SNX29: variants seen among roughly 807,000 people sequenced by gnomAD.
SNX29 encodes the protein sorting nexin 29.
A neutral mutation model predicts 102.1 loss-of-function variants in SNX29; 78 were observed. The ratio of observed to expected loss-of-function variants is 0.76; its 90% CI spans 0.64 to 0.92. The LOEUF (loss-of-function observed/expected upper bound fraction) is 0.92. Ranked by LOEUF, SNX29 falls within the 40% of genes least tolerant of loss-of-function variation. The probability of loss-of-function intolerance (pLI) is 0.00; values close to 1 mark genes in which losing one functional copy is unlikely to be tolerated. For missense variants in SNX29, 1,280 were observed against 1,061.7 expected (o/e 1.21, Z -2.86); for synonymous variants, 580 against 414.5 (o/e 1.40, Z -4.85).
intron 15 of SNX29, among the ~76,000 whole-genome samples, chr16:12,353,021 C>T (rs574845405): frequency 1.3e-5 from 2 of 152,082 alleles, no homozygotes; most frequent in Admixed American, 1.3e-4. Context: ...CTGGCATGTC[C>T]CAAGGCTCAT....
chr16:12,519,277 C>G (rs1434049638), intron 19 of SNX29, among the ~76,000 whole-genome samples: 1 of 152,150 alleles, frequency 6.6e-6, no homozygotes, highest in Admixed American at 6.5e-5. Context: ...GCACCATGTC[C>G]CCCAAAAGGT....
intron 16 of SNX29, among the ~76,000 whole-genome samples, chr16:12,380,307 A>C (rs1216826630): frequency 1.4e-5 from 2 of 144,606 alleles, no homozygotes; most frequent in Non-Finnish European, 3.0e-5. Flanking sequence ...ACACCCAACC[A>C]CCCACCTATC....
intron 4 of SNX29, among the ~76,000 whole-genome samples, chr16:12,030,434 G>T (rs1387969224): frequency 1.3e-5 from 2 of 152,070 alleles, no homozygotes; most frequent in Non-Finnish European, 2.9e-5. Flanking sequence ...TTTTACCCAG[G>T]TCCCCTGGAC....
chr16:12,078,459 A>T (rs1326747680), intron 10 of SNX29, among the ~76,000 whole-genome samples: 2 of 152,180 alleles, frequency 1.3e-5, no homozygotes, highest in African/African-American at 4.8e-5. Flanking sequence ...GGAAAAAAAA[A>T]TGCTAAAAAC....
intron 14 of SNX29, 58 bp from the exon 15 acceptor site, chr16:12,277,875 G>T: frequency 6.8e-7 from 1 of 1,462,058 alleles, no homozygotes. Context: ...TTTTTTTACT[G>T]GGAGAATAAT....
intron 16 of SNX29, among the ~76,000 whole-genome samples, chr16:12,372,247 G>A (rs998625350): frequency 6.6e-6 from 1 of 152,094 alleles, no homozygotes; most frequent in East Asian, 1.9e-4. Flanking sequence ...AATATATGTC[G>A]ACTTCCTCCT....
intron 13 of SNX29, among the ~76,000 whole-genome samples, chr16:12,186,047 C>T (rs564315423): frequency 1.3e-5 from 2 of 152,236 alleles, no homozygotes; most frequent in African/African-American, 4.8e-5. Context: ...TTGTTATTCC[C>T]AGATACTGTT....
Position 12,087,945 on chromosome 16 carries a change from A to G in SNX29, c.1402+9030A>G, listed in dbSNP as rs1475389991. Reference sequence around the variant, plus strand: ...CGCCTCTGCAATACGCTTTTGAAGGAGGACCTGTTGGGCAGTGGGTCCTCA... The same window carrying G: ...CGCCTCTGCAATACGCTTTTGAAGGGGGACCTGTTGGGCAGTGGGTCCTCA... On this transcript the variant is annotated intron_variant, in intron 11 of 20. Transcript: ENST00000566228. The G allele has an allele frequency of 6.6e-6, 3 of 456,764 alleles. No individual in the cohort carries two copies. The Admixed American group carries it at 7.0e-5, about 11-fold the overall frequency. The allele number at this position is 456,764 out of a possible 1,614,324, so 28.3% of individuals were successfully genotyped here. A position where few individuals can be genotyped will look rare whatever the true frequency, so the allele number is the denominator to read the frequency against.
chr16:12,183,387 T>C (rs2076437331), intron 13 of SNX29, among the ~76,000 whole-genome samples: 1 of 152,222 alleles, frequency 6.6e-6, no homozygotes, highest in Non-Finnish European at 1.5e-5. Flanking sequence ...AACTTGGATG[T>C]ACCTACCGTC....
At position 11,996,127 on chromosome 16, in the gene SNX29, G is replaced by C. The variant is rs2056063824; in HGVS notation, c.8-3170G>C. ...GAACCAGAACCTCCCTTTTGGGCTG[G>C]GTGTGGTGGCTCACACCTATTATCC... On this transcript the variant is annotated intron_variant, in intron 1 of 20. Coordinates refer to ENST00000566228, the MANE Select transcript of SNX29 (RefSeq NM_032167.5). 1.3e-5 allele frequency among the ~76,000 whole-genome samples: 2 copies of C among 152,096 alleles called. 1 individual carries two copies. The highest frequency in any genetic ancestry group is 4.8e-5 in the African/African-American group (2 of 41,430).
intron 15 of SNX29, among the ~76,000 whole-genome samples, chr16:12,282,416 C>T (rs2079464129): frequency 1.3e-5 from 2 of 152,188 alleles, no homozygotes; most frequent in Admixed American, 1.3e-4. Flanking sequence ...GCTTCCAAAG[C>T]AACTTGTAGC....
intron 19 of SNX29, among the ~76,000 whole-genome samples, chr16:12,493,213 A>G (rs946182781): frequency 6.6e-6 from 1 of 152,108 alleles, no homozygotes; most frequent in Non-Finnish European, 1.5e-5. Flanking sequence ...TATTTCCTTG[A>G]GCAGTGGTTT....
intron 18 of SNX29, among the ~76,000 whole-genome samples, chr16:12,417,503 T>C (rs905604924): frequency 1.3e-5 from 2 of 152,154 alleles, no homozygotes; most frequent in Non-Finnish European, 2.9e-5. Context: ...TTCCTTCTCT[T>C]TGCTCCCCGC....
At chr16:12,471,075 T>TGCA in intron 18 of SNX29, among the ~76,000 whole-genome samples, 1 of 152,306 alleles carries the variant, frequency 6.6e-6, no homozygotes, top group East Asian at 1.9e-4. Context: ...TTCTGCCTCT[T>TGCA]GCAGGAGCAC....
At chr16:12,117,511 C>G (rs952637987) in intron 11 of SNX29, among the ~76,000 whole-genome samples, 7 of 152,002 alleles carry the variant, frequency 4.6e-5, no homozygotes, top group African/African-American at 1.7e-4. Context: ...CAAAAAGACT[C>G]TATTAAAAAA....
intron 20 of SNX29, among the ~76,000 whole-genome samples, chr16:12,559,222 C>G (rs2162795): frequency 0.2 from 29,876 of 151,948 alleles, 3,119 homozygotes; most frequent in East Asian, 0.43. Context: ...TCTGTATTTA[C>G]AGCCACTCCC....
At chr16:12,008,045 G>T (rs577043924) in intron 3 of SNX29, among the ~76,000 whole-genome samples, 1 of 152,072 alleles carries the variant, frequency 6.6e-6, no homozygotes, top group African/African-American at 2.4e-5. Flanking sequence ...CCAGGTTCAC[G>T]CTGTTCTCCT....
intron 9 of SNX29, among the ~76,000 whole-genome samples, chr16:12,063,281 C>G (rs780371273): frequency 8.0e-5 from 12 of 150,662 alleles, no homozygotes; most frequent in Non-Finnish European, 1.8e-4. Context: ...GCTTTCCTGA[C>G]TTGGTGGGGT....
chr16:12,557,015 A>ACCCCCCCCC (rs11387141), intron 20 of SNX29, among the ~76,000 whole-genome samples: 21 of 31,824 alleles, frequency 6.6e-4, no homozygotes, highest in African/African-American at 1.4e-3. Flanking sequence ...TGGCTAATTT[A>ACCCCCCCCC]CCCCCCCCCC....
Sources: allele counts gnomAD v4.1 joint callset (sites outside exome capture counted in the v4.1 genomes callset), GRCh38; gene constraint gnomAD v4.1.1; transcripts MANE v1.5; gene names NCBI Gene and HGNC (gene_info 2026-07-23, HGNC 2026-07-21).